POLR3B: variants seen among roughly 807,000 people sequenced by gnomAD.
POLR3B encodes the protein RNA polymerase III subunit B, also known as DNA-directed RNA polymerase III subunit RPC2.
In POLR3B, 96 loss-of-function variants were observed where a neutral mutation model predicts 147.4. The observed-to-expected ratio is 0.65, with a 90% confidence interval of 0.55 to 0.77. The LOEUF is 0.77. Among genes scored for constraint, POLR3B ranks in the 30% least tolerant of loss-of-function variants. POLR3B has a pLI of 0.00. For synonymous variants in POLR3B, 461 were observed against 485.9 expected (o/e 0.95, Z 0.67); for missense variants, 1,036 against 1,413.5 (o/e 0.73, Z 4.28).
chr12:106,472,595 G>C (rs1183684122), intron 23 of POLR3B, among the ~76,000 whole-genome samples: 8 of 150,766 alleles, frequency 5.3e-5, no homozygotes, highest in African/African-American at 2.0e-4. Flanking sequence ...CTTTTGATTT[G>C]CATTTCTCTG....
chr12:106,459,233 C>T lies in POLR3B; in HGVS notation c.2453-18C>T. 3.0e-6 allele frequency: 4 copies of T among 1,348,866 alleles called. No homozygotes were observed. The highest frequency in any genetic ancestry group is 4.3e-6 in the Non-Finnish European group (4 of 938,414). The allele number at this position is 1,348,866 out of a possible 1,614,324, so 83.6% of individuals were successfully genotyped here. A position where few individuals can be genotyped will look rare whatever the true frequency, so the allele number is the denominator to read the frequency against. ...ACAGATGATAACGATGTGCCTAACA[C>T]TTTTCTTTTTTTCTCAGGTGAGAAA... On this transcript the variant is annotated intron_variant, in intron 21 of 27. Transcript: ENST00000228347.
At chr12:106,499,042 A>G (rs2038550616) in intron 25 of POLR3B, among the ~76,000 whole-genome samples, 1 of 152,238 alleles carries the variant, frequency 6.6e-6, no homozygotes, top group East Asian at 1.9e-4. Flanking sequence ...ATTGCCTATT[A>G]AAACTATAAT....
At chr12:106,490,067 T>C (rs901335613) in intron 23 of POLR3B, among the ~76,000 whole-genome samples, 3 of 152,226 alleles carry the variant, frequency 2.0e-5, no homozygotes, top group Non-Finnish European at 2.9e-5. Context: ...GAAGATTTTA[T>C]GGAATTGACT....
chr12:106,471,314 A>T (rs547935055), intron 23 of POLR3B, among the ~76,000 whole-genome samples: 3 of 152,174 alleles, frequency 2.0e-5, no homozygotes, highest in Admixed American at 6.5e-5. Flanking sequence ...TGTGAAGACC[A>T]TGGGGAAAGC....
intron 23 of POLR3B, among the ~76,000 whole-genome samples, chr12:106,477,153 G>C (rs1349374018): frequency 2.2e-5 from 3 of 137,638 alleles, no homozygotes; most frequent in Admixed American, 7.1e-5. Context: ...TGCCCCTGCT[G>C]GGGGGTGCCT....
chr12:106,423,173 T>C (rs1340193526), intron 12 of POLR3B, among the ~76,000 whole-genome samples: 4 of 152,150 alleles, frequency 2.6e-5, no homozygotes, highest in African/African-American at 9.7e-5. Flanking sequence ...AAGGCAATCT[T>C]GTTTCCTCTG....
At chr12:106,391,605 G>A (rs748983538) in intron 9 of POLR3B, among the ~76,000 whole-genome samples, 7 of 152,154 alleles carry the variant, frequency 4.6e-5, no homozygotes, top group Non-Finnish European at 7.4e-5. Flanking sequence ...GTCAAATGTA[G>A]AATCATAGCA....
chr12:106,496,854 G>A lies in POLR3B; in HGVS notation c.2920G>A (p.Glu974Lys). The change falls in exon 25 of 28, where the codon GAG becomes AAG. Residue 974 changes from glutamate (E) to lysine (K), a missense_variant. Glu to Lys is a moderately conservative substitution (Grantham distance 56). Transcript: ENST00000228347. The part of the protein sequence containing the change: ...FGGSKVKDVC[E>K]DLVRHGYNYL... ...AGGCAGTAAAGTGAAGGATGTGTGT[G>A]AGGACCTCGTTCGCCATGGTTATAA... is the stretch of plus-strand genomic sequence containing the variant. 1.9e-6 allele frequency: 3 copies of A among 1,614,128 alleles called. No individual in the cohort carries two copies. Among genetic ancestry groups the A allele is most frequent in the Non-Finnish European group, 2.5e-6 (3 of 1,179,990 alleles).
chr12:106,438,658 C>T (rs1336791246), intron 18 of POLR3B, among the ~76,000 whole-genome samples: 1 of 152,090 alleles, frequency 6.6e-6, no homozygotes, highest in Non-Finnish European at 1.5e-5. Context: ...CCATGCCCAG[C>T]CTTAATGTGT....
At chr12:106,502,169 G>A (rs2038612691) in intron 26 of POLR3B, among the ~76,000 whole-genome samples, 1 of 152,158 alleles carries the variant, frequency 6.6e-6, no homozygotes, top group South Asian at 2.1e-4. Context: ...TGGTGCTGGG[G>A]AAGTAGCTAC....
At chr12:106,359,122 G>C (rs542068881) in intron 1 of POLR3B, among the ~76,000 whole-genome samples, 6 of 152,248 alleles carry the variant, frequency 3.9e-5, no homozygotes, top group Non-Finnish European at 8.8e-5. Context: ...GGCTGAGGTG[G>C]AAGGATCACT....
In POLR3B at chr12:106,496,310, C is replaced by T; in HGVS notation, c.2817+152C>T. 4.2e-6 allele frequency: 3 copies of T among 707,638 alleles called. No homozygotes were observed. The Admixed American group carries it at 6.0e-5, about 14-fold the overall frequency. 43.8% of individuals were successfully genotyped at this position (707,638 alleles called of 1,614,324 possible). A position where few individuals can be genotyped will look rare whatever the true frequency, so the allele number is the denominator to read the frequency against. On this transcript the variant is annotated intron_variant, in intron 24 of 27. Coordinates refer to ENST00000228347, the MANE Select transcript of POLR3B (RefSeq NM_018082.6). ...TTGCCAGATAAACAGGCTTCCAGCC[C>T]CTAACGATTCTGGGCCACTCCCCTC...
At chr12:106,463,978 T>C (rs1319722361) in intron 23 of POLR3B, among the ~76,000 whole-genome samples, 2 of 152,136 alleles carry the variant, frequency 1.3e-5, no homozygotes, top group Admixed American at 6.6e-5. Context: ...CTACTATATG[T>C]TCTGTTGAGT....
chr12:106,360,284 A>G (rs2036452041), intron 1 of POLR3B, among the ~76,000 whole-genome samples: 1 of 152,310 alleles, frequency 6.6e-6, no homozygotes, highest in South Asian at 2.1e-4. Flanking sequence ...TTAGGGCAAA[A>G]TCTAGTGTTT....
In POLR3B at chr12:106,504,244, T is replaced by C; in HGVS notation, c.3262T>C (p.Tyr1088His). 6.2e-7 allele frequency: 1 copy of C among 1,613,886 alleles called. No individual in the cohort carries two copies. Among genetic ancestry groups the C allele is most frequent in the Non-Finnish European group, 8.5e-7 (1 of 1,179,794 alleles). ...CTGTGGGCAGTGTGGACTTCTGGGG[T>C]ATTCTGGCTGGTAAGTGGATACCAT... Reference protein sequence around the residue: ...DVCGQCGLLGYSGWCHYCKSS... With the variant: ...DVCGQCGLLGHSGWCHYCKSS... The change falls in exon 27 of 28, where the codon TAT becomes CAT. Residue 1088 changes from tyrosine (Y) to histidine (H), a missense_variant. Physicochemically the swap from Tyr to His is moderately conservative, Grantham distance 83. Transcript: ENST00000228347. The surrounding 1 kb of genome is among the most constrained non-coding windows in gnomAD (Gnocchi z 4.6).
Position 106,357,943 on chromosome 12 carries a change from A to G in POLR3B, c.64A>G (p.Thr22Ala). 1 of 1,612,920 alleles carries G rather than the reference A, an allele frequency of 6.2e-7. No individual in the cohort carries two copies. Among genetic ancestry groups the G allele is most frequent in the Non-Finnish European group, 8.5e-7 (1 of 1,179,938 alleles). Residue 22 changes from threonine (T) to alanine (A), a missense_variant, in exon 1 of 28, where the codon ACT (threonine) becomes GCT (alanine). Physicochemically the swap from Thr to Ala is moderately conservative, Grantham distance 58 (BLOSUM62 0). Around this residue, in one of 12 missense-constraint regions of POLR3B, gnomAD observed 150 missense variants for 145.5 expected, o/e 1.03. Transcript: ENST00000228347. ...GGAGCAGCTGGCGGCGCCGATCCCG[A>G]CTGTAGAGGTCAGTGCCAGGCACGC... ...TPEQLAAPIP[T>A]VEEKWRLLPA...
intron 2 of POLR3B, among the ~76,000 whole-genome samples, chr12:106,365,200 C>T (rs1455754583): frequency 1.3e-5 from 2 of 151,868 alleles, no homozygotes; most frequent in East Asian, 1.9e-4. Context: ...AGTTCAGTTG[C>T]GTGTTATGGG....
chr12:106,396,982 C>T (rs930331866), intron 10 of POLR3B, among the ~76,000 whole-genome samples: 1 of 151,680 alleles, frequency 6.6e-6, no homozygotes. Context: ...ATTAGCTGGG[C>T]ATGGTGGCGT....
chr12:106,366,453 G>A, intron 2 of POLR3B, 63 bp from the exon 3 acceptor site: 2 of 988,546 alleles, frequency 2.0e-6, no homozygotes, highest in Non-Finnish European at 3.2e-6. Flanking sequence ...TATTATTTGA[G>A]CATATCATCA....
Sources: gnomAD v4.1 joint callset for allele counts (sites outside exome capture counted in the v4.1 genomes callset) on GRCh38, gnomAD v4.1.1 for gene constraint, gnomAD v4.1.1 regional missense constraint, Gnocchi (gnomAD v3.1) non-coding constraint, MANE v1.5 for transcripts, NCBI Gene and HGNC (gene_info 2026-07-23, HGNC 2026-07-21) for gene names.